TNRC6B: variants seen among roughly 807,000 people sequenced by gnomAD.
TNRC6B encodes trinucleotide repeat-containing gene 6B protein.
TNRC6B carries 52 observed loss-of-function variants against 203.6 expected under a neutral mutation model. That is an observed-to-expected ratio of 0.26 (90% confidence interval 0.20 to 0.32). The LOEUF is 0.32. Ranked by LOEUF, TNRC6B falls within the 10% of genes least tolerant of loss-of-function variation. TNRC6B has a pLI of 1.00. For synonymous variants in TNRC6B, 838 were observed against 845.7 expected, an observed-to-expected ratio of 0.99 and a Z score of 0.16; for missense variants, 1,923 against 2,286.2, an observed-to-expected ratio of 0.84 and a Z score of 3.24.
chr22:40,263,364 C>G (rs1224414923), intron 4 of TNRC6B, among the ~76,000 whole-genome samples: 1 of 152,136 alleles, frequency 6.6e-6, no homozygotes, highest in Non-Finnish European at 1.5e-5. Context: ...AGAGATAAGC[C>G]CTACCCATGG....
chr22:40,290,200 C>T (rs901580645), intron 12 of TNRC6B, among the ~76,000 whole-genome samples: 3 of 152,192 alleles, frequency 2.0e-5, no homozygotes, highest in African/African-American at 7.2e-5. Context: ...TGAAATGTGG[C>T]CGCTGGACTG....
chr22:40,062,775 A>G (rs565571767), intron 1 of TNRC6B, among the ~76,000 whole-genome samples: 5 of 152,178 alleles, frequency 3.3e-5, no homozygotes, highest in South Asian at 2.1e-4. Flanking sequence ...AGAAATATCT[A>G]TTCAGATCCT....
intron 7 of TNRC6B, among the ~76,000 whole-genome samples, chr22:40,274,453 C>T (rs2070610003): frequency 6.8e-6 from 1 of 147,106 alleles, no homozygotes; most frequent in Non-Finnish European, 1.5e-5. Context: ...CGGAGTCTTG[C>T]TCTGTCGCCC....
At chr22:40,261,793 A>T (rs766036715) in intron 3 of TNRC6B, 39 bp from the exon 4 acceptor site, 3 of 1,398,150 alleles carry the variant, frequency 2.1e-6, no homozygotes, top group Non-Finnish European at 1.9e-6. Flanking sequence ...AATGTATTTG[A>T]TGTATTTCAA....
intron 1 of TNRC6B, among the ~76,000 whole-genome samples, chr22:40,093,040 A>G (rs1333209194): frequency 2.6e-5 from 4 of 152,246 alleles, no homozygotes; most frequent in Non-Finnish European, 5.9e-5. Flanking sequence ...TTTGAAAAAG[A>G]ACCATTTCAT....
rs1277334845 is a variant in TNRC6B at position 40,312,989 on chromosome 22, G to A, written c.4670G>A (p.Ser1557Asn). Residue 1557 changes from serine to asparagine, a missense_variant, in exon 19 of 23, where the codon AGC (serine) becomes AAC (asparagine). This residue lies in a region of TNRC6B where 159 missense variants were observed against 181.0 expected (regional missense o/e 0.88). Transcript: ENST00000454349. ...GACAACTCCTTTACCAACGTTCATA[G>A]CACTTCAGGTATGAGTGTGAATTTT... is the stretch of plus-strand genomic sequence containing the variant. ...ASDNSFTNVH[S>N]TSAKFPDYKS... 4 of 1,612,924 alleles carry A rather than the reference G, an allele frequency of 2.5e-6. No homozygotes were observed. Among genetic ancestry groups the A allele is most frequent in the East Asian group, 2.2e-5 (1 of 44,890 alleles).
chr22:40,270,030 T>C, intron 5 of TNRC6B, 92 bp from the exon 6 acceptor site: 1 of 1,251,554 alleles, frequency 8.0e-7, no homozygotes, highest in Non-Finnish European at 1.1e-6. Context: ...CAACAGAATA[T>C]AGGCATGCCT....
At chr22:40,204,293 T>C (rs1267746808) in intron 1 of TNRC6B, among the ~76,000 whole-genome samples, 1 of 152,238 alleles carries the variant, frequency 6.6e-6, no homozygotes, top group Non-Finnish European at 1.5e-5. Flanking sequence ...TGGTCAGTCC[T>C]GTGAAATGTA....
At chr22:40,170,324 ATATATAT>A (rs1258465024) in intron 4 of TNRC6B, among the ~76,000 whole-genome samples, 3 of 112,694 alleles carry the variant, frequency 2.7e-5, no homozygotes, top group African/African-American at 3.9e-5. Flanking sequence ...TATATATATT[ATATATAT>A]TATATATAGT....
intron 1 of TNRC6B, among the ~76,000 whole-genome samples, chr22:40,242,107 CTAAG>C (rs1487931629): frequency 6.6e-6 from 1 of 152,008 alleles, no homozygotes; most frequent in Non-Finnish European, 1.5e-5. Context: ...AAACTGGGTG[CTAAG>C]TGTGTTCATT....
Position 40,323,376 on chromosome 22 carries a change from G to A in TNRC6B, c.*135G>A. Reference sequence around the variant, plus strand: ...AAAAAGAAAACGGAGAGAAAAAAAGGTGGGTCATTGACAGACTGTCTGAGC... The same window carrying A: ...AAAAAGAAAACGGAGAGAAAAAAAGATGGGTCATTGACAGACTGTCTGAGC... On this transcript the variant is annotated 3_prime_UTR_variant, in exon 23 of 23. Coordinates refer to ENST00000454349, the MANE Select transcript of TNRC6B (RefSeq NM_001162501.2). 4.2e-6 allele frequency: 5 copies of A among 1,187,680 alleles called. No homozygotes were observed. In the South Asian group the frequency reaches 4.9e-5, roughly 12 times the overall value. 73.6% of individuals were successfully genotyped at this position (1,187,680 alleles called of 1,614,324 possible). A position where few individuals can be genotyped will look rare whatever the true frequency, so the allele number is the denominator to read the frequency against.
At chr22:40,144,929 A>C (rs553355090) in intron 3 of TNRC6B, among the ~76,000 whole-genome samples, 2 of 151,908 alleles carry the variant, frequency 1.3e-5, no homozygotes, top group Non-Finnish European at 2.9e-5. Flanking sequence ...AGGTACAACC[A>C]TATCTAAAAT....
At chr22:40,232,616 T>C (rs555196375) in intron 1 of TNRC6B, among the ~76,000 whole-genome samples, 4 of 152,372 alleles carry the variant, frequency 2.6e-5, no homozygotes, top group African/African-American at 9.6e-5. Context: ...ACAAATGTTC[T>C]TCAGGCACCA....
At chr22:40,313,251 G>C (rs983060068) in intron 19 of TNRC6B, among the ~76,000 whole-genome samples, 3 of 152,162 alleles carry the variant, frequency 2.0e-5, no homozygotes, top group Non-Finnish European at 4.4e-5. Flanking sequence ...CATATCCAGA[G>C]GGCTGGAGTC....
intron 1 of TNRC6B, among the ~76,000 whole-genome samples, chr22:40,194,232 G>A (rs1259532101): frequency 3.3e-5 from 5 of 152,220 alleles, no homozygotes; most frequent in Non-Finnish European, 5.9e-5. Context: ...GCTTAAGATA[G>A]CACTTCCTGG....
chr22:40,203,114 T>C (rs956705274), intron 1 of TNRC6B, among the ~76,000 whole-genome samples: 70 of 152,100 alleles, frequency 4.6e-4, no homozygotes, highest in African/African-American at 1.5e-3. Flanking sequence ...TTGTTGAGTA[T>C]AGTAGAGAGA....
At chr22:40,288,717 A>G (rs1364612575) in intron 12 of TNRC6B, among the ~76,000 whole-genome samples, 2 of 150,382 alleles carry the variant, frequency 1.3e-5, no homozygotes, top group Non-Finnish European at 2.9e-5. Flanking sequence ...TAATTTTTGT[A>G]TTTTTAGTAG....
At chr22:40,092,370 C>T (rs1601810544) in intron 1 of TNRC6B, among the ~76,000 whole-genome samples, 1 of 151,278 alleles carries the variant, frequency 6.6e-6, no homozygotes, top group Non-Finnish European at 1.5e-5. Flanking sequence ...CCACTGCACT[C>T]CAGCCTGGGC....
chr22:40,080,835 T>C (rs2068057903), intron 1 of TNRC6B, among the ~76,000 whole-genome samples: 1 of 147,716 alleles, frequency 6.8e-6, no homozygotes, highest in Non-Finnish European at 1.5e-5. Flanking sequence ...TCTTTCTTTT[T>C]TGTTTTTTTT....
Sources: gnomAD v4.1 joint callset for allele counts (sites outside exome capture counted in the v4.1 genomes callset) on GRCh38, gnomAD v4.1.1 for gene constraint, gnomAD v4.1.1 regional missense constraint, MANE v1.5 for transcripts, NCBI Gene and HGNC (gene_info 2026-07-23, HGNC 2026-07-21) for gene names.